Variants in DMD observed in about 807,000 individuals in gnomAD.
The protein encoded by DMD is dystrophin, also known as mutant dystrophin.
DMD carries 63 observed loss-of-function variants against 330.1 expected under a neutral mutation model. The observed-to-expected ratio is 0.19, with a 90% confidence interval of 0.16 to 0.24. The LOEUF is 0.24. Ranked by LOEUF, DMD falls within the 10% of genes least tolerant of loss-of-function variation. DMD has a pLI of 1.00. For synonymous variants in DMD, 1,223 were observed against 959.8 expected, an observed-to-expected ratio of 1.27 and a Z score of -5.07; for missense variants, 3,344 against 2,684.1, an observed-to-expected ratio of 1.25 and a Z score of -5.43.
intron 67 of DMD, among the ~76,000 whole-genome samples, chrX:31,200,331 T>C (rs1423456060): frequency 9.0e-6 from 1 of 111,355 alleles, no homozygotes; most frequent in African/African-American, 3.3e-5. Context: ...GGGAATGAGG[T>C]AGTAAATGTG....
chrX:32,024,508 A>AAT (rs1397758849), intron 44 of DMD, among the ~76,000 whole-genome samples: 20 of 102,156 alleles, frequency 2.0e-4, no homozygotes, highest in African/African-American at 7.0e-4. Flanking sequence ...AAAAAAAAAA[A>AAT]GTATGAAACA....
chrX:32,656,296 C>T (rs769766493), intron 9 of DMD, among the ~76,000 whole-genome samples: 181 of 111,845 alleles, frequency 1.6e-3, no homozygotes, highest in African/African-American at 5.6e-3. Flanking sequence ...ACCGTGACTA[C>T]GAAGACAGCG....
intron 1 of DMD, among the ~76,000 whole-genome samples, chrX:33,147,236 G>A: frequency 8.9e-6 from 1 of 112,149 alleles, no homozygotes; most frequent in Admixed American, 9.5e-5. Flanking sequence ...AGAGGGAGGT[G>A]CATTTTATCT....
At chrX:31,286,511 A>T (rs1414417043) in intron 62 of DMD, among the ~76,000 whole-genome samples, 2 of 112,148 alleles carry the variant, frequency 1.8e-5, no homozygotes, top group Non-Finnish European at 3.8e-5. Context: ...TTTAAGAGTT[A>T]TCATGGAACA....
chrX:32,936,048 T>C (rs762324321), intron 2 of DMD, among the ~76,000 whole-genome samples: 4 of 111,467 alleles, frequency 3.6e-5, no homozygotes, highest in Non-Finnish European at 5.6e-5. Context: ...CTGTTCTTAA[T>C]ATTTCACACA....
intron 60 of DMD, among the ~76,000 whole-genome samples, chrX:31,369,112 T>C (rs780838935): frequency 8.9e-6 from 1 of 112,015 alleles, no homozygotes; most frequent in Non-Finnish European, 1.9e-5. Context: ...TCACTCATTA[T>C]TTAAGACCCT....
chrX:32,733,450 C>A (rs1470104087), intron 7 of DMD, among the ~76,000 whole-genome samples: 1 of 110,882 alleles, frequency 9.0e-6, no homozygotes, highest in Non-Finnish European at 1.9e-5. Context: ...CCCAAATCAA[C>A]AGAATATACA....
chrX:32,595,682 T>A, intron 13 of DMD, 75 bp downstream of exon 13: 1 of 1,041,326 alleles, frequency 9.6e-7, no homozygotes. Context: ...AATTGCATTC[T>A]AAATTTTTAA....
chrX:32,668,501 C>G (rs936910043), intron 9 of DMD, among the ~76,000 whole-genome samples: 1 of 111,924 alleles, frequency 8.9e-6, no homozygotes, highest in Non-Finnish European at 1.9e-5. Context: ...AAGGTTCCTT[C>G]GCATCTCTGC....
At chrX:33,110,113 G>A (rs967551260) in intron 1 of DMD, among the ~76,000 whole-genome samples, 3 of 111,012 alleles carry the variant, frequency 2.7e-5, no homozygotes, top group Non-Finnish European at 1.9e-5. Context: ...TACCACTAGA[G>A]AAACAATCAC....
chrX:32,318,310 G>A (rs1431341251), intron 41 of DMD, among the ~76,000 whole-genome samples: 2 of 111,074 alleles, frequency 1.8e-5, no homozygotes, highest in Non-Finnish European at 3.8e-5. Context: ...TATTGTATTG[G>A]TCCAGGGTGA....
chrX:31,276,091 C>A (rs756633128), intron 62 of DMD, among the ~76,000 whole-genome samples: 1 of 112,344 alleles, frequency 8.9e-6, no homozygotes, highest in East Asian at 2.8e-4. Context: ...GAGTCTCACT[C>A]TGTCACCCAG....
chrX:31,897,146 C>A (rs1179626594), intron 47 of DMD, among the ~76,000 whole-genome samples: 2 of 106,059 alleles, frequency 1.9e-5, no homozygotes, highest in Non-Finnish European at 3.9e-5. Flanking sequence ...TTGTTCAATT[C>A]CCACCTATGA....
At chrX:32,444,879 A>G (rs185934907) in intron 27 of DMD, among the ~76,000 whole-genome samples, 26 of 110,978 alleles carry the variant, frequency 2.3e-4, no homozygotes, top group African/African-American at 8.1e-4. Context: ...GGATATATTC[A>G]GGAAGGGGTG....
rs186187514 is a variant in DMD at position 32,336,602 on chromosome X, C to A, written c.5922+5498G>T. Among the ~76,000 whole-genome samples, 329 of 111,308 alleles carry A rather than the reference C, an allele frequency of 3.0e-3. 1 individual carries two copies. The highest frequency in any genetic ancestry group is 0.01 in the African/African-American group (308 of 30,630). On this transcript the variant is annotated intron_variant, in intron 41 of 78. Transcript: ENST00000357033. ...CCGTAAGAGAAACTGATGTTCTGAA[C>A]GAGCAGTCTTAAACTCCGAATTTGC...
At chrX:31,796,346 T>C (rs1475423491) in intron 50 of DMD, among the ~76,000 whole-genome samples, 1 of 112,530 alleles carries the variant, frequency 8.9e-6, no homozygotes, top group African/African-American at 3.2e-5. Flanking sequence ...TGGGGCTTAA[T>C]ATTAAGGAAT....
intron 47 of DMD, among the ~76,000 whole-genome samples, chrX:31,927,813 C>A (rs757463914): frequency 1.8e-5 from 2 of 111,668 alleles, no homozygotes; most frequent in African/African-American, 3.3e-5. Flanking sequence ...CAATAAATAA[C>A]CTGACACAAT....
At chrX:32,443,965 A>G (rs777668652) in intron 27 of DMD, among the ~76,000 whole-genome samples, 1 of 111,443 alleles carries the variant, frequency 9.0e-6, no homozygotes, top group African/African-American at 3.2e-5. Flanking sequence ...GCTGATCTGT[A>G]AAACATGTAT....
chrX:31,278,627 G>A (rs1200273760), intron 62 of DMD, among the ~76,000 whole-genome samples: 1 of 112,068 alleles, frequency 8.9e-6, no homozygotes, highest in African/African-American at 3.2e-5. Flanking sequence ...TATTGTTAAG[G>A]GGAGTAACAG....
Sources: allele counts gnomAD v4.1 joint callset (sites outside exome capture counted in the v4.1 genomes callset), GRCh38; gene constraint gnomAD v4.1.1; transcripts MANE v1.5; gene names NCBI Gene and HGNC (gene_info 2026-07-23, HGNC 2026-07-21).